Variants in GLIS3 observed in about 807,000 individuals in gnomAD.
The protein encoded by GLIS3 is zinc finger protein GLIS3.
Under a neutral mutation model 78.6 loss-of-function variants are expected in GLIS3, and 53 were observed. The observed-to-expected ratio is 0.67, with a 90% confidence interval of 0.54 to 0.85. The LOEUF (loss-of-function observed/expected upper bound fraction) is 0.85. Ranked by LOEUF, GLIS3 falls within the 40% of genes least tolerant of loss-of-function variation. GLIS3 has a pLI of 0.00. For synonymous variants in GLIS3, 684 were observed against 509.9 expected, an observed-to-expected ratio of 1.34 and a Z score of -4.60; for missense variants, 1,703 against 1,231.1, an observed-to-expected ratio of 1.38 and a Z score of -5.74.
intron 2 of GLIS3, among the ~76,000 whole-genome samples, chr9:4,282,812 C>G (rs1454578688): frequency 1.3e-5 from 2 of 152,072 alleles, no homozygotes; most frequent in Non-Finnish European, 2.9e-5. Context: ...CTGGAAAACC[C>G]TAATTAATAA....
intron 8 of GLIS3, among the ~76,000 whole-genome samples, chr9:3,872,956 T>C (rs555953433): frequency 6.6e-6 from 1 of 151,828 alleles, no homozygotes; most frequent in African/African-American, 2.4e-5. Flanking sequence ...CTAAAAAATA[T>C]ACAAAGAAGC....
chr9:4,393,770 A>G, the GLIS3 span, among the ~76,000 whole-genome samples: 1 of 152,224 alleles, frequency 6.6e-6, no homozygotes, highest in Non-Finnish European at 1.5e-5. Context: ...CAGGAGGTAC[A>G]TTATGTTAGT....
chr9:4,048,547 T>G lies in GLIS3; in HGVS notation c.1710+69221A>C, dbSNP rs115990142. ...GCTTAACCACATTATGGTATTCAAC[T>G]GTGTGCTTATTTTTAAATTGCGTCA... On this transcript the variant is annotated intron_variant, in intron 4 of 10. Coordinates refer to ENST00000381971, the MANE Select transcript of GLIS3 (RefSeq NM_001042413.2). 7.8e-3 allele frequency among the ~76,000 whole-genome samples: 1,184 copies of G among 152,298 alleles called. 21 individuals are homozygous for G. The highest frequency in any genetic ancestry group is 0.027 in the African/African-American group (1,126 of 41,566).
At chr9:4,235,297 T>TAA (rs1822624115) in intron 2 of GLIS3, among the ~76,000 whole-genome samples, 1 of 7,794 alleles carries the variant, frequency 1.3e-4, no homozygotes, top group Admixed American at 1.2e-3. Flanking sequence ...AGACTCTGTC[T>TAA]CAAAAAAAAA....
intron 2 of GLIS3, among the ~76,000 whole-genome samples, chr9:4,131,747 G>C (rs141048013): frequency 6.6e-6 from 1 of 152,044 alleles, no homozygotes; most frequent in Non-Finnish European, 1.5e-5. Flanking sequence ...TTTCTTTACA[G>C]CAATGTGAGA....
At chr9:4,284,552 G>A (rs192505315) in intron 2 of GLIS3, among the ~76,000 whole-genome samples, 37 of 151,744 alleles carry the variant, frequency 2.4e-4, no homozygotes, top group Admixed American at 1.9e-3. Context: ...CTAAATATCA[G>A]TACCTCTAAG....
the GLIS3 span, among the ~76,000 whole-genome samples, chr9:4,471,829 G>A: frequency 5.3e-5 from 8 of 152,034 alleles, no homozygotes; most frequent in Non-Finnish European, 1.2e-4. Flanking sequence ...AACCTACAGA[G>A]TGGGAGAAAA....
Position 3,898,735 on chromosome 9 carries a change from C to T in GLIS3, c.2084G>A (p.Gly695Glu), listed in dbSNP as rs1468219258. The T allele has an allele frequency of 6.2e-7, 1 of 1,614,034 alleles. No individual in the cohort carries two copies. The highest frequency in any genetic ancestry group is 8.5e-7 in the Non-Finnish European group (1 of 1,180,026). Residue 695 changes from glycine (G) to glutamate (E), a missense_variant, in exon 7 of 11, where the codon GGG (glycine) becomes GAG (glutamate). Coordinates refer to ENST00000381971, the MANE Select transcript of GLIS3 (RefSeq NM_001042413.2). ...GGGTCCAGGGGAGCGTCCCACGGTC[C>T]CTTCAGCAGCAGCATCTCTAGGGGA... ...ATSPRDAAAE[G>E]TVGRSPGPGP... is the part of the protein sequence containing the mutation.
chr9:3,905,174 T>G (rs1314233978), intron 6 of GLIS3, among the ~76,000 whole-genome samples: 5 of 136,300 alleles, frequency 3.7e-5, no homozygotes, highest in African/African-American at 1.4e-4. Context: ...CTATTTTTAG[T>G]AGAGATGGGG....
the GLIS3 span, among the ~76,000 whole-genome samples, chr9:4,462,134 C>G: frequency 1.3e-5 from 2 of 152,128 alleles, no homozygotes; most frequent in African/African-American, 4.8e-5. Context: ...TACGTCTACT[C>G]TAGGTCTATA....
chr9:4,209,824 C>CCA (rs367784662), intron 2 of GLIS3, among the ~76,000 whole-genome samples: 4 of 151,584 alleles, frequency 2.6e-5, no homozygotes, highest in African/African-American at 9.7e-5. Context: ...CGCCCCCCCC[C>CCA]AGTTGTGACC....
At chr9:4,228,147 T>C (rs977068502) in intron 2 of GLIS3, among the ~76,000 whole-genome samples, 2 of 147,590 alleles carry the variant, frequency 1.4e-5, no homozygotes, top group Non-Finnish European at 2.9e-5. Context: ...AGCAAATTTT[T>C]TGAAAGACAA....
intron 4 of GLIS3, among the ~76,000 whole-genome samples, chr9:4,064,440 T>G (rs1433326668): frequency 6.6e-6 from 1 of 152,214 alleles, no homozygotes; most frequent in East Asian, 1.9e-4. Context: ...ATAAAATGCA[T>G]GCATTAGTTC....
At chr9:4,456,421 A>G in the GLIS3 span, among the ~76,000 whole-genome samples, 1 of 152,180 alleles carries the variant, frequency 6.6e-6, no homozygotes, top group African/African-American at 2.4e-5. Context: ...ATGTGATGTT[A>G]TTTGGCTTAG....
intron 2 of GLIS3, among the ~76,000 whole-genome samples, chr9:4,245,250 AT>A (rs1160175664): frequency 1.3e-5 from 2 of 152,164 alleles, no homozygotes; most frequent in African/African-American, 4.8e-5. Flanking sequence ...CACAATGATT[AT>A]TATTATGTCT....
Position 3,918,493 on chromosome 9 carries a change from G to C in GLIS3, c.1983+13867C>G, listed in dbSNP as rs115822640. Among the ~76,000 whole-genome samples, 44 of 152,224 alleles carry C rather than the reference G, an allele frequency of 2.9e-4. 1 individual carries two copies. Among genetic ancestry groups the C allele is most frequent in the African/African-American group, 9.9e-4 (41 of 41,540 alleles). ...CCTCTTGTAATACAACCTAGTGCCT[G>C]GCCGTCTTCATGGTACCTTATGGGA... On this transcript the variant is annotated intron_variant, in intron 6 of 10. Transcript: ENST00000381971.
At chr9:3,970,728 A>G (rs1415686888) in intron 4 of GLIS3, among the ~76,000 whole-genome samples, 2 of 152,166 alleles carry the variant, frequency 1.3e-5, no homozygotes, top group African/African-American at 4.8e-5. Context: ...CAAACCTCTC[A>G]CTCAGCACAG....
intron 7 of GLIS3, among the ~76,000 whole-genome samples, chr9:3,882,710 A>G (rs1307524398): frequency 2.6e-5 from 4 of 152,294 alleles, no homozygotes; most frequent in Non-Finnish European, 5.9e-5. Flanking sequence ...GGGGACAGAA[A>G]TGGGCAGTGG....
At chr9:3,867,818 C>G (rs1392995722) in intron 8 of GLIS3, among the ~76,000 whole-genome samples, 1 of 151,918 alleles carries the variant, frequency 6.6e-6, no homozygotes, top group Non-Finnish European at 1.5e-5. Flanking sequence ...TTGGACCCCA[C>G]CTCTCTTAAT....
Sources: allele counts gnomAD v4.1 joint callset (sites outside exome capture counted in the v4.1 genomes callset), GRCh38; gene constraint gnomAD v4.1.1; transcripts MANE v1.5; gene names NCBI Gene and HGNC (gene_info 2026-07-23, HGNC 2026-07-21).